GALNT13: variants seen among roughly 807,000 people sequenced by gnomAD.
GALNT13 encodes the protein polypeptide N-acetylgalactosaminyltransferase 13.
A neutral mutation model predicts 64.2 loss-of-function variants in GALNT13; 28 were observed. The ratio of observed to expected loss-of-function variants is 0.44; its 90% confidence interval spans 0.32 to 0.60. GALNT13 has a LOEUF of 0.60. Ranked by LOEUF, GALNT13 falls within the 20% of genes least tolerant of loss-of-function variation. The pLI, the probability that GALNT13 is intolerant of heterozygous loss-of-function variation, is 0.05. For missense variants in GALNT13, 577 were observed against 669.8 expected (o/e 0.86, Z 1.53); for synonymous variants, 214 against 224.6 (o/e 0.95, Z 0.42).
At chr2:154,071,013 C>A (rs1407964268) in intron 3 of GALNT13, among the ~76,000 whole-genome samples, 1 of 151,856 alleles carries the variant, frequency 6.6e-6, no homozygotes, top group African/African-American at 2.4e-5. Flanking sequence ...AAAATGGATA[C>A]CAATAAGGTT....
intron 3 of GALNT13, among the ~76,000 whole-genome samples, chr2:153,959,563 G>A (rs897471283): frequency 3.9e-5 from 6 of 152,210 alleles, no homozygotes; most frequent in African/African-American, 1.4e-4. Context: ...TCAAGGCACC[G>A]AAACTGTGAG....
the GALNT13 span, among the ~76,000 whole-genome samples, chr2:153,783,777 C>T: frequency 1.3e-4 from 20 of 152,186 alleles, no homozygotes; most frequent in African/African-American, 4.8e-4. Flanking sequence ...ATTCAGCTCT[C>T]ATTCTTCTCC....
intron 9 of GALNT13, among the ~76,000 whole-genome samples, chr2:154,374,794 A>C (rs556512803): frequency 6.6e-6 from 1 of 152,288 alleles, no homozygotes; most frequent in East Asian, 1.9e-4. Context: ...AAATGCTCCA[A>C]GCCCAGATTT....
the GALNT13 span, among the ~76,000 whole-genome samples, chr2:153,294,693 A>T: frequency 6.6e-6 from 1 of 152,186 alleles, no homozygotes; most frequent in Non-Finnish European, 1.5e-5. Flanking sequence ...GGATGGAACT[A>T]CAGGATTGAA....
At chr2:154,013,213 C>A (rs774137334) in intron 3 of GALNT13, among the ~76,000 whole-genome samples, 1 of 151,318 alleles carries the variant, frequency 6.6e-6, no homozygotes, top group Admixed American at 6.6e-5. Flanking sequence ...GTCCTTTGAA[C>A]GAAGCCTTTT....
the GALNT13 span, among the ~76,000 whole-genome samples, chr2:153,758,512 C>T: frequency 1.3e-5 from 2 of 152,000 alleles, no homozygotes; most frequent in African/African-American, 4.8e-5. Flanking sequence ...AGTTATTTTT[C>T]CATTTCTGTG....
intron 4 of GALNT13, among the ~76,000 whole-genome samples, chr2:154,231,519 A>G (rs1331606485): frequency 6.6e-6 from 1 of 151,932 alleles, no homozygotes; most frequent in Non-Finnish European, 1.5e-5. Context: ...AAAAATGGTA[A>G]AGAAGTTTTA....
the GALNT13 span, among the ~76,000 whole-genome samples, chr2:153,731,375 G>T: frequency 6.6e-6 from 1 of 151,770 alleles, no homozygotes; most frequent in Non-Finnish European, 1.5e-5. Flanking sequence ...TGAGGGATGA[G>T]AAATTATCTA....
At chr2:153,941,065 A>AT (rs1371255469) in intron 2 of GALNT13, among the ~76,000 whole-genome samples, 1 of 152,088 alleles carries the variant, frequency 6.6e-6, no homozygotes, top group Admixed American at 6.6e-5. Context: ...TAACATCAAA[A>AT]TTTTTTTTGA....
chr2:154,439,774 T>G (rs1701188210), intron 12 of GALNT13, among the ~76,000 whole-genome samples: 1 of 152,168 alleles, frequency 6.6e-6, no homozygotes, highest in Admixed American at 6.5e-5. Context: ...AAACTGGTTG[T>G]GCAGGGTTAA....
intron 3 of GALNT13, among the ~76,000 whole-genome samples, chr2:154,047,691 G>A (rs1168233476): frequency 1.3e-5 from 2 of 152,130 alleles, no homozygotes; most frequent in Admixed American, 1.3e-4. Context: ...TTGCTTGCTT[G>A]TCTGAACATC....
chr2:153,264,284 G>T, the GALNT13 span, among the ~76,000 whole-genome samples: 1 of 152,134 alleles, frequency 6.6e-6, no homozygotes, highest in African/African-American at 2.4e-5. Context: ...AAGTCAAGAA[G>T]CAATAGATGC....
Position 154,161,678 on chromosome 2 carries a change from A to G in GALNT13, c.311+21173A>G, listed in dbSNP as rs554180102. Among the ~76,000 whole-genome samples, 187 of 152,330 alleles carry G rather than the reference A, an allele frequency of 1.2e-3. 2 individuals carry two copies. The highest frequency in any genetic ancestry group is 4.3e-3 in the African/African-American group (177 of 41,582). ...TATTTAAATGATGTGACAACAAATA[A>G]CACTTGGAAAATCATTTTTCAATGT... On this transcript the variant is annotated intron_variant, in intron 4 of 12. Transcript: ENST00000392825.
intron 12 of GALNT13, among the ~76,000 whole-genome samples, chr2:154,439,430 T>C (rs983244147): frequency 6.6e-6 from 1 of 152,162 alleles, no homozygotes; most frequent in Non-Finnish European, 1.5e-5. Context: ...CAGTTTTCTT[T>C]TTTGATTAAC....
the GALNT13 span, among the ~76,000 whole-genome samples, chr2:153,565,881 A>G: frequency 4.5e-4 from 69 of 152,234 alleles, 1 homozygote; most frequent in Admixed American, 7.2e-4. Flanking sequence ...TGTTTGGTTT[A>G]TTAATTACTT....
At chr2:154,415,521 A>T (rs1699972861) in intron 11 of GALNT13, among the ~76,000 whole-genome samples, 2 of 152,108 alleles carry the variant, frequency 1.3e-5, no homozygotes, top group African/African-American at 4.8e-5. Flanking sequence ...GCAAGCCTTT[A>T]AGGAAGCTTA....
intron 3 of GALNT13, among the ~76,000 whole-genome samples, chr2:154,061,802 A>C (rs1700202555): frequency 6.6e-6 from 1 of 152,136 alleles, no homozygotes; most frequent in Admixed American, 6.6e-5. Flanking sequence ...TTTCATTAGG[A>C]GAAATTGCTT....
chr2:153,465,198 AT>A, the GALNT13 span, among the ~76,000 whole-genome samples: 1 of 151,992 alleles, frequency 6.6e-6, no homozygotes, highest in Non-Finnish European at 1.5e-5. Context: ...CTTGTTGGAA[AT>A]TTTTTTCTAA....
At chr2:153,715,740 T>C in the GALNT13 span, among the ~76,000 whole-genome samples, 3 of 152,088 alleles carry the variant, frequency 2.0e-5, no homozygotes, top group South Asian at 6.2e-4. Context: ...CACCCATTGC[T>C]CTCTCCTTAT....
Sources: allele counts gnomAD v4.1 joint callset (sites outside exome capture counted in the v4.1 genomes callset), GRCh38; gene constraint gnomAD v4.1.1; transcripts MANE v1.5; gene names NCBI Gene and HGNC (gene_info 2026-07-23, HGNC 2026-07-21).